The following PWWP2A variants were observed in gnomAD, a reference collection of about 807,000 sequenced individuals.
The protein encoded by PWWP2A is PWWP domain-containing protein 2A.
Under a neutral mutation model 48.5 loss-of-function variants are expected in PWWP2A, and 18 were observed. The observed-to-expected ratio is 0.37, with a 90% CI of 0.26 to 0.55. The LOEUF (loss-of-function observed/expected upper bound fraction) is 0.55, where lower values mean the gene tolerates loss of function less well. PWWP2A is among the 20% of genes least tolerant of loss of function. The pLI, the probability that PWWP2A is intolerant of heterozygous loss-of-function variation, is 0.81. For missense variants in PWWP2A, 867 were observed against 976.4 expected (o/e 0.89, Z 1.49); for synonymous variants, 396 against 387.7 (o/e 1.02, Z -0.25).
chr5:160,069,895 C>A (rs541931346), intron 2 of PWWP2A, among the ~76,000 whole-genome samples: 1 of 152,144 alleles, frequency 6.6e-6, no homozygotes, highest in Non-Finnish European at 1.5e-5. Flanking sequence ...CTTTTCCTTT[C>A]GTTTCAGTCT....
At chr5:160,089,911 T>A, downstream of PWWP2A, 1 of 984,450 alleles carries the variant, frequency 1.0e-6, no homozygotes. Flanking sequence ...CCATCTGCAG[T>A]AGATACTGGA....
At chr5:160,098,549 C>T (rs933320755) in intron 1 of PWWP2A, among the ~76,000 whole-genome samples, 1 of 152,132 alleles carries the variant, frequency 6.6e-6, no homozygotes, top group Non-Finnish European at 1.5e-5. Flanking sequence ...TCAGGGGTCA[C>T]ACTATGATTA....
chr5:160,097,553 C>G (rs1755796552), intron 1 of PWWP2A, among the ~76,000 whole-genome samples: 1 of 151,630 alleles, frequency 6.6e-6, no homozygotes, highest in East Asian at 2.0e-4. Context: ...TCGCTTGAAC[C>G]CGGGAGGTGA....
At chr5:160,084,368 A>G (rs1754461723) in intron 2 of PWWP2A, among the ~76,000 whole-genome samples, 2 of 152,190 alleles carry the variant, frequency 1.3e-5, no homozygotes, top group Admixed American at 6.5e-5. Flanking sequence ...ATGTGCCTGA[A>G]AAGTGAAAGG....
rs1480268600 is a variant in PWWP2A at position 160,119,269 on chromosome 5, G to A, written c.120C>T (p.Leu40=). The change falls in exon 1 of 2, where the codon CTC becomes CTT. Residue 40 remains leucine (L), a synonymous_variant. Coordinates refer to ENST00000307063, the MANE Select transcript of PWWP2A (RefSeq NM_001130864.2). ...IPGSEAGTDP[L]PVTATEASVP... ...CAGACGCTTCAGTGGCCGTGACCGG[G>A]AGGGGGTCAGTGCCGGCCTCACTGC... The A allele has an allele frequency of 7.1e-7, 1 of 1,402,862 alleles. No homozygotes were observed. Among genetic ancestry groups the A allele is most frequent in the Non-Finnish European group, 9.2e-7 (1 of 1,088,572 alleles). 86.9% of individuals were successfully genotyped at this position (1,402,862 alleles called of 1,614,324 possible).
chr5:160,045,520 A>ACACACACACACT, the PWWP2A span, among the ~76,000 whole-genome samples: 9 of 54,902 alleles, frequency 1.6e-4, no homozygotes, highest in Non-Finnish European at 1.6e-4. Context: ...ACACATACAC[A>ACACACACACACT]CTCTCTCTCT....
In PWWP2A at chr5:160,091,375, G is replaced by C. The variant is rs1414887288; in HGVS notation, c.*1007C>G. 2 of 872,316 alleles carry C rather than the reference G, an allele frequency of 2.3e-6. No individual in the cohort carries two copies. Among genetic ancestry groups the C allele is most frequent in the African/African-American group, 3.9e-5 (2 of 51,914 alleles). The allele number at this position is 872,316 out of a possible 1,614,324, so 54.0% of individuals were successfully genotyped here. On this transcript the variant is annotated 3_prime_UTR_variant, in exon 2 of 2. Coordinates refer to ENST00000307063, the MANE Select transcript of PWWP2A (RefSeq NM_001130864.2). ...TTGATTTTATTTACAGCTTTTTTTT[G>C]GTTTTTTTTTTTTTTTTTACATTTC...
chr5:160,089,609 T>C, downstream of PWWP2A: 2 of 1,288,842 alleles, frequency 1.6e-6, no homozygotes, highest in Non-Finnish European at 2.0e-6. Context: ...GGTCTATAAA[T>C]TCTAGAAAGT....
downstream of PWWP2A, among the ~76,000 whole-genome samples, chr5:160,086,539 T>TAC (rs1051521161): frequency 1.3e-5 from 2 of 151,890 alleles, no homozygotes; most frequent in Non-Finnish European, 2.9e-5. Context: ...TATATATATA[T>TAC]ACACACATTT....
At chr5:160,071,635 A>G (rs1275200944), downstream of PWWP2A, among the ~76,000 whole-genome samples, 1 of 152,124 alleles carries the variant, frequency 6.6e-6, no homozygotes, top group African/African-American at 2.4e-5. Context: ...AGGATGGGAA[A>G]TATCTTGACG....
At chr5:160,064,557 G>A (rs1011581304) in intron 4 of PWWP2A, among the ~76,000 whole-genome samples, 3 of 152,218 alleles carry the variant, frequency 2.0e-5, no homozygotes, top group African/African-American at 7.2e-5. Flanking sequence ...GGCAGACCTG[G>A]CTTGGCAGGG....
At position 160,112,126 on chromosome 5, in the gene PWWP2A, C is replaced by CAAA. The variant is rs11480893; in HGVS notation, c.584+6676_584+6678dup. 1.9e-3 allele frequency among the ~76,000 whole-genome samples: 168 copies of CAAA among 90,674 alleles called. 5 individuals are homozygous for CAAA. Among genetic ancestry groups the CAAA allele is most frequent in the African/African-American group, 5.6e-3 (124 of 22,280 alleles). 59.5% of individuals were successfully genotyped at this position (90,674 alleles called of 152,430 possible). ...TGGGTGACAGAGCAAGACCCTTTCT[C>CAAA]AAAAAAAAAAAAAAAAAAAGGAAAA... On this transcript the variant is annotated intron_variant, in intron 1 of 1. Coordinates refer to ENST00000307063, the MANE Select transcript of PWWP2A (RefSeq NM_001130864.2).
intron 1 of PWWP2A, among the ~76,000 whole-genome samples, chr5:160,114,953 G>A (rs534689459): frequency 6.6e-6 from 1 of 151,786 alleles, no homozygotes; most frequent in South Asian, 2.1e-4. Flanking sequence ...TGGCCAATAT[G>A]GTGAAACCCC....
At chr5:160,060,974 C>T (rs538749121), downstream of PWWP2A, among the ~76,000 whole-genome samples, 20 of 152,366 alleles carry the variant, frequency 1.3e-4, no homozygotes, top group African/African-American at 4.8e-4. Flanking sequence ...GAACCACCCC[C>T]AGGGTCTCCC....
At chr5:160,105,663 A>C in intron 1 of PWWP2A, 1 of 982,400 alleles carries the variant, frequency 1.0e-6, no homozygotes, top group Non-Finnish European at 1.2e-6. Context: ...CTCATAAGCC[A>C]TCAGCCCCAG....
At chr5:160,058,386 C>A (rs115557688), downstream of PWWP2A, among the ~76,000 whole-genome samples, 5 of 152,034 alleles carry the variant, frequency 3.3e-5, no homozygotes, top group Non-Finnish European at 5.9e-5. Flanking sequence ...ATCTCAGCAG[C>A]CATAGCCATA....
chr5:160,065,561 G>T (rs1185917246), intron 4 of PWWP2A: 2 of 346,954 alleles, frequency 5.8e-6, no homozygotes. Context: ...GTTAGGTTGT[G>T]AATTTTGTCA....
At chr5:160,075,709 C>A (rs1166004469), downstream of PWWP2A, among the ~76,000 whole-genome samples, 1 of 148,794 alleles carries the variant, frequency 6.7e-6, no homozygotes, top group African/African-American at 2.5e-5. Flanking sequence ...CCCATAAAAT[C>A]TCCTAGTGAT....
At position 160,119,412 on chromosome 5, in the gene PWWP2A, C is replaced by A; in HGVS notation, c.-24G>T. The stretch of plus-strand genomic sequence containing the variant: ...ATTTTCTTCCTAGCTTCTCCCTCCT[C>A]CAACTCCGGCTGCAGCGGCGGCGGC... On this transcript the variant is annotated 5_prime_UTR_variant, in exon 1 of 2. Transcript: ENST00000307063. The A allele has an allele frequency of 7.4e-7, 1 of 1,358,802 alleles. No individual in the cohort carries two copies. The highest frequency in any genetic ancestry group is 9.4e-7 in the Non-Finnish European group (1 of 1,061,774). The allele number at this position is 1,358,802 out of a possible 1,614,324, so 84.2% of individuals were successfully genotyped here. A position where few individuals can be genotyped will look rare whatever the true frequency, so the allele number is the denominator to read the frequency against.
Sources: gnomAD v4.1 joint callset for allele counts (sites outside exome capture counted in the v4.1 genomes callset) on GRCh38, gnomAD v4.1.1 for gene constraint, MANE v1.5 for transcripts, NCBI Gene and HGNC (gene_info 2026-07-23, HGNC 2026-07-21) for gene names.